Variants in TET1 observed in about 807,000 individuals in gnomAD.
The protein encoded by TET1 is tet methylcytosine dioxygenase 1.
TET1 carries 13 observed loss-of-function variants against 148.7 expected under a neutral mutation model. That is an observed-to-expected ratio of 0.09 (90% CI 0.06 to 0.14). TET1 has a LOEUF of 0.14. TET1 is among the 10% of genes least tolerant of loss of function. TET1 has a pLI of 1.00. For synonymous variants in TET1, 907 were observed against 937.2 expected, an observed-to-expected ratio of 0.97 and a Z score of 0.59; for missense variants, 2,182 against 2,553.8, an observed-to-expected ratio of 0.85 and a Z score of 3.14.
At chr10:68,668,150 T>G (rs1015778385) in intron 7 of TET1, among the ~76,000 whole-genome samples, 2 of 152,224 alleles carry the variant, frequency 1.3e-5, no homozygotes, top group African/African-American at 4.8e-5. Context: ...TTATCTATTT[T>G]CTCTCTGATG....
intron 9 of TET1, 25 bp from the exon 10 acceptor site, chr10:68,682,811 T>C (rs761545738): frequency 1.9e-6 from 3 of 1,608,468 alleles, no homozygotes; most frequent in Non-Finnish European, 2.5e-6. Flanking sequence ...TCTCTTAAGA[T>C]TGTGCTCCAT....
At chr10:68,686,268 C>T (rs531869759) in intron 10 of TET1, 88 bp from the exon 11 acceptor site, 143 of 1,173,404 alleles carry the variant, frequency 1.2e-4, no homozygotes, top group Middle Eastern at 9.1e-4. Context: ...ATCTCTTTCC[C>T]AAAGGCAACA....
chr10:68,594,401 T>C (rs1193627033), intron 2 of TET1, among the ~76,000 whole-genome samples: 1 of 152,162 alleles, frequency 6.6e-6, no homozygotes, highest in Non-Finnish European at 1.5e-5. Flanking sequence ...ATTCACCTAC[T>C]TTTTCCTCAA....
At position 68,667,577 on chromosome 10, in the gene TET1, C is replaced by T. The variant is rs929259555; in HGVS notation, c.4673+321C>T. Among the ~76,000 whole-genome samples the T allele has an allele frequency of 4.0e-5, 6 of 151,788 alleles. 1 individual carries two copies. Among genetic ancestry groups the T allele is most frequent in the Admixed American group, 2.0e-4 (3 of 15,220 alleles). ...AAGACTATCCTGGCTAATATGTCTC[C>T]ACTATAAATACAAAAAATTAGCCGG... is the stretch of plus-strand genomic sequence containing the variant. On this transcript the variant is annotated intron_variant, in intron 7 of 11. Coordinates refer to ENST00000373644, the MANE Select transcript of TET1 (RefSeq NM_030625.3).
chr10:68,643,320 A>G (rs1301880008), intron 3 of TET1, among the ~76,000 whole-genome samples: 1 of 151,754 alleles, frequency 6.6e-6, no homozygotes, highest in Non-Finnish European at 1.5e-5. Context: ...CAGTTACTCT[A>G]AAGACCCAAA....
chr10:68,572,499 A>G lies in TET1; in HGVS notation c.161A>G (p.Gln54Arg). The G allele has an allele frequency of 1.9e-6, 3 of 1,613,800 alleles. No individual in the cohort carries two copies. Among genetic ancestry groups the G allele is most frequent in the Non-Finnish European group, 2.5e-6 (3 of 1,179,986 alleles). The change falls in exon 2 of 12, where the codon CAA becomes CGA. Residue 54 changes from glutamine (Q) to arginine (R), a missense_variant. Gln to Arg is a conservative substitution (Grantham distance 43). Coordinates refer to ENST00000373644, the MANE Select transcript of TET1 (RefSeq NM_030625.3). ...LSPGKLKQLI[Q>R]ERDVKKKTEP... Reference sequence around the variant, plus strand: ...CCTGGAAAATTAAAGCAATTAATTCAAGAAAGAGATGTTAAGAAAAAAACA... The same window carrying G: ...CCTGGAAAATTAAAGCAATTAATTCGAGAAAGAGATGTTAAGAAAAAAACA...
At chr10:68,661,902 A>C in intron 6 of TET1, among the ~76,000 whole-genome samples, 1 of 117,922 alleles carries the variant, frequency 8.5e-6, no homozygotes, top group East Asian at 2.6e-4. Flanking sequence ...TTTTTGTGAG[A>C]TGGAGTTTCA....
At chr10:68,640,491 T>G (rs2054729769) in intron 3 of TET1, among the ~76,000 whole-genome samples, 1 of 148,628 alleles carries the variant, frequency 6.7e-6, no homozygotes, top group Admixed American at 6.8e-5. Context: ...CTTGATCTCC[T>G]GAACTCGTGA....
At chr10:68,585,153 C>T (rs1172016355) in intron 2 of TET1, among the ~76,000 whole-genome samples, 2 of 151,986 alleles carry the variant, frequency 1.3e-5, no homozygotes, top group African/African-American at 2.4e-5. Flanking sequence ...TAAAGGCATG[C>T]GCCACCACAC....
Position 68,573,604 on chromosome 10 carries a change from T to C in TET1, c.1266T>C (p.Ser422=), listed in dbSNP as rs1302657208. 2.5e-6 allele frequency: 4 copies of C among 1,614,018 alleles called. No individual in the cohort carries two copies. In the Admixed American group the frequency reaches 5.0e-5, roughly 20 times the overall value. The stretch of plus-strand genomic sequence containing the variant: ...ACCAACAAGAAACTCTTGGTATGAG[T>C]GGGAGTGTTGTCCCAGACTTGCCTG... ...ILDQQETLGM[S]GSVVPDLPVF... Residue 422 remains serine (S), a synonymous_variant, in exon 2 of 12, where the codon AGT becomes AGC. Transcript: ENST00000373644.
Position 68,574,081 on chromosome 10 carries a change from G to A in TET1, c.1743G>A (p.Pro581=), listed in dbSNP as rs532096691. The change falls in exon 2 of 12, where the codon CCG becomes CCA. Residue 581 remains proline, a synonymous_variant. Transcript: ENST00000373644. ...TSSSSYTTLL[P]TLEKKKRKRC... ...CTTCTTCCTATACCACTTTGCTACC[G>A]ACTTTGGAAAAGAAGAAAAGAAAGC... 36 of 1,614,132 alleles carry A rather than the reference G, an allele frequency of 2.2e-5. No homozygotes were observed. Among genetic ancestry groups the A allele is most frequent in the Admixed American group, 3.3e-5 (2 of 59,996 alleles).
intron 2 of TET1, among the ~76,000 whole-genome samples, chr10:68,595,526 G>T (rs2053967369): frequency 6.6e-6 from 1 of 150,772 alleles, no homozygotes; most frequent in Non-Finnish European, 1.5e-5. Flanking sequence ...CAATCCAGAG[G>T]TGCATATACC....
intron 3 of TET1, among the ~76,000 whole-genome samples, chr10:68,634,658 G>A (rs2054623795): frequency 6.6e-6 from 1 of 152,166 alleles, no homozygotes; most frequent in Non-Finnish European, 1.5e-5. Flanking sequence ...ATATTACTTA[G>A]TGGGAGATGC....
chr10:68,686,770 G>T, intron 11 of TET1, 63 bp downstream of exon 11: 1 of 1,449,128 alleles, frequency 6.9e-7, no homozygotes, highest in Non-Finnish European at 9.3e-7. Flanking sequence ...TTTGGACTTT[G>T]CCTTGCCTTA....
intron 8 of TET1, among the ~76,000 whole-genome samples, chr10:68,678,797 T>C (rs1037739849): frequency 1.3e-5 from 2 of 152,208 alleles, no homozygotes; most frequent in African/African-American, 4.8e-5. Context: ...TAATTCCCTC[T>C]GTATCTGACA....
In TET1 at chr10:68,620,172, G is replaced by T. The variant is rs139084863; in HGVS notation, c.1968+19138G>T. Among the ~76,000 whole-genome samples the T allele has an allele frequency of 1.7e-3, 255 of 152,282 alleles. 2 individuals are homozygous for T. Among genetic ancestry groups the T allele is most frequent in the African/African-American group, 5.9e-3 (246 of 41,542 alleles). Reference sequence around the variant, plus strand: ...CACTCCAGCTTGAGCGACAGAGCGAGACTTTGTCTCAAAAATAAATAAATA... The same window carrying T: ...CACTCCAGCTTGAGCGACAGAGCGATACTTTGTCTCAAAAATAAATAAATA... On this transcript the variant is annotated intron_variant, in intron 3 of 11. Coordinates refer to ENST00000373644, the MANE Select transcript of TET1 (RefSeq NM_030625.3).
At chr10:68,592,393 T>C (rs1309319376) in intron 2 of TET1, among the ~76,000 whole-genome samples, 1 of 152,168 alleles carries the variant, frequency 6.6e-6, no homozygotes, top group Non-Finnish European at 1.5e-5. Flanking sequence ...TCTTTAGTTC[T>C]CCCCTTGAAA....
intron 3 of TET1, among the ~76,000 whole-genome samples, chr10:68,601,336 G>A (rs113368270): frequency 6.6e-6 from 1 of 152,166 alleles, no homozygotes; most frequent in African/African-American, 2.4e-5. Flanking sequence ...TGCATTTGTG[G>A]TGTTGCACCA....
chr10:68,577,034 G>A (rs1317939920), intron 2 of TET1, among the ~76,000 whole-genome samples: 3 of 151,980 alleles, frequency 2.0e-5, no homozygotes, highest in Non-Finnish European at 4.4e-5. Flanking sequence ...TCAGCCTCCT[G>A]AGTAGCTGTG....
Sources: gnomAD v4.1 joint callset for allele counts (sites outside exome capture counted in the v4.1 genomes callset) on GRCh38, gnomAD v4.1.1 for gene constraint, MANE v1.5 for transcripts, NCBI Gene and HGNC (gene_info 2026-07-23, HGNC 2026-07-21) for gene names.